TRMT11: variants seen among roughly 807,000 people sequenced by gnomAD.
TRMT11 encodes tRNA (guanine(10)-N(2))-methyltransferase TRMT11.
TRMT11 carries 53 observed loss-of-function variants against 62.8 expected under a neutral mutation model. That is an observed-to-expected ratio of 0.84 (90% confidence interval 0.68 to 1.06). TRMT11 has a LOEUF of 1.06. TRMT11 is among the 50% of genes least tolerant of loss of function. The pLI is 0.00. For missense variants in TRMT11, 556 were observed against 553.4 expected, an observed-to-expected ratio of 1.00 and a Z score of -0.05; for synonymous variants, 188 against 190.3, an observed-to-expected ratio of 0.99 and a Z score of 0.10.
intron 7 of TRMT11, among the ~76,000 whole-genome samples, chr6:126,001,078 C>A (rs1157194619): frequency 6.6e-6 from 1 of 151,998 alleles, no homozygotes; most frequent in Non-Finnish European, 1.5e-5. Context: ...ATCCCTTTAC[C>A]CTTCAAGTAA....
chr6:126,091,033 A>G (rs1243570606), intron 17 of TRMT11, among the ~76,000 whole-genome samples: 1 of 152,084 alleles, frequency 6.6e-6, no homozygotes, highest in Admixed American at 6.5e-5. Context: ...AACATGGCGA[A>G]ACCCAGTCTC....
At chr6:125,993,086 T>C (rs1489370116) in intron 1 of TRMT11, among the ~76,000 whole-genome samples, 2 of 152,252 alleles carry the variant, frequency 1.3e-5, no homozygotes, top group East Asian at 3.9e-4. Context: ...TCTCATTAGG[T>C]TCCATCCTCC....
chr6:126,218,882 A>T, the TRMT11 span, among the ~76,000 whole-genome samples: 8 of 152,156 alleles, frequency 5.3e-5, no homozygotes, highest in Non-Finnish European at 1.5e-5. Context: ...TCAAGTTCTG[A>T]CTGCTGGGAT....
At chr6:126,074,634 G>A (rs867719864) in intron 17 of TRMT11, among the ~76,000 whole-genome samples, 2 of 152,090 alleles carry the variant, frequency 1.3e-5, no homozygotes, top group Middle Eastern at 3.4e-3. Context: ...TCTTTGTCAC[G>A]CTTTTTTTCT....
intron 16 of TRMT11, among the ~76,000 whole-genome samples, chr6:126,045,693 A>C (rs964601762): frequency 3.9e-5 from 6 of 152,164 alleles, no homozygotes; most frequent in African/African-American, 1.4e-4. Context: ...AACAATTAGT[A>C]CTAAGATATA....
intron 21 of TRMT11, among the ~76,000 whole-genome samples, chr6:126,143,376 A>G (rs1265255979): frequency 6.6e-6 from 1 of 152,140 alleles, no homozygotes; most frequent in African/African-American, 2.4e-5. Context: ...TTTTAGGTTG[A>G]AAGAAAAATG....
At chr6:126,198,320 C>T (rs1232788394) in intron 1 of TRMT11, among the ~76,000 whole-genome samples, 1 of 152,070 alleles carries the variant, frequency 6.6e-6, no homozygotes, top group Admixed American at 6.5e-5. Flanking sequence ...TACTGTCTAT[C>T]AAACAAATTT....
the TRMT11 span, among the ~76,000 whole-genome samples, chr6:126,233,937 A>G: frequency 2.6e-5 from 4 of 152,224 alleles, no homozygotes; most frequent in Non-Finnish European, 4.4e-5. Flanking sequence ...TTGTAAAGGT[A>G]GAATTAATGT....
At chr6:126,193,352 T>G (rs989612138) in intron 1 of TRMT11, among the ~76,000 whole-genome samples, 5 of 151,930 alleles carry the variant, frequency 3.3e-5, no homozygotes, top group Admixed American at 6.6e-5. Flanking sequence ...TTTGTTTATA[T>G]TTTTTAAGTG....
intron 21 of TRMT11, among the ~76,000 whole-genome samples, chr6:126,153,200 T>C (rs115068000): frequency 0.022 from 3,393 of 152,312 alleles, 129 homozygotes; most frequent in African/African-American, 0.077. Context: ...CTATAACATT[T>C]ATGACATAAT....
chr6:126,225,685 A>ATT, the TRMT11 span, among the ~76,000 whole-genome samples: 1,725 of 95,040 alleles, frequency 0.018, 113 homozygotes, highest in African/African-American at 0.055. Context: ...TATGTTTACT[A>ATT]TTTTTTTTTT....
intron 21 of TRMT11, among the ~76,000 whole-genome samples, chr6:126,138,319 T>A (rs9491565): frequency 5.9e-5 from 9 of 151,784 alleles, no homozygotes; most frequent in Admixed American, 1.3e-4. Context: ...CTTTAAAATC[T>A]TAACAGTCTG....
the TRMT11 span, among the ~76,000 whole-genome samples, chr6:126,220,319 A>G: frequency 2.2e-4 from 33 of 152,364 alleles, no homozygotes; most frequent in African/African-American, 7.0e-4. Context: ...AACTGAATAA[A>G]TAGACATACG....
the TRMT11 span, among the ~76,000 whole-genome samples, chr6:126,232,305 C>A: frequency 1.8e-3 from 271 of 152,188 alleles, 1 homozygote; most frequent in African/African-American, 6.1e-3. Flanking sequence ...AATGTCTGTG[C>A]TCTTACATTT....
chr6:125,997,376 TTTA>T (rs1213205641), intron 3 of TRMT11, among the ~76,000 whole-genome samples: 1 of 152,252 alleles, frequency 6.6e-6, no homozygotes, highest in Non-Finnish European at 1.5e-5. Flanking sequence ...TGAAAGTTAA[TTTA>T]TTATTAACAT....
chr6:126,088,131 ACTCT>A (rs1177737435), intron 17 of TRMT11, among the ~76,000 whole-genome samples: 12 of 151,790 alleles, frequency 7.9e-5, no homozygotes, highest in South Asian at 2.1e-4. Context: ...TAGTATATAT[ACTCT>A]CTCTATATAT....
intron 21 of TRMT11, among the ~76,000 whole-genome samples, chr6:126,130,578 T>G (rs1442184775): frequency 9.9e-6 from 1 of 101,470 alleles, no homozygotes; most frequent in Non-Finnish European, 2.1e-5. Context: ...TATGTTTTAC[T>G]GTTTTTTTTT....
intron 21 of TRMT11, among the ~76,000 whole-genome samples, chr6:126,122,493 C>T (rs765348933): frequency 2.0e-4 from 31 of 152,092 alleles, no homozygotes; most frequent in Non-Finnish European, 3.7e-4. Context: ...TAAGAACTGA[C>T]CATAAAGAAA....
chr6:126,082,877 G>C (rs1464956686), intron 17 of TRMT11, among the ~76,000 whole-genome samples: 4 of 152,020 alleles, frequency 2.6e-5, no homozygotes, highest in Non-Finnish European at 5.9e-5. Context: ...ATAAGAAGTG[G>C]TTAAAGTAGT....
Sources: allele counts gnomAD v4.1 joint callset (sites outside exome capture counted in the v4.1 genomes callset), GRCh38; gene constraint gnomAD v4.1.1; transcripts MANE v1.5; gene names NCBI Gene and HGNC (gene_info 2026-07-23, HGNC 2026-07-21).